Variants in PKN2 observed in about 807,000 individuals in gnomAD.
PKN2 encodes serine/threonine-protein kinase N2.
In PKN2, 38 loss-of-function variants were observed where a neutral mutation model predicts 119.1. The ratio of observed to expected loss-of-function variants is 0.32; its 90% confidence interval spans 0.25 to 0.42. The LOEUF is 0.42. PKN2 is among the 10% of genes least tolerant of loss of function. The probability of loss-of-function intolerance (pLI) is 1.00; values close to 1 mark genes in which losing one functional copy is unlikely to be tolerated. For missense variants in PKN2, 850 were observed against 1,165.1 expected (o/e 0.73, Z 3.94); for synonymous variants, 390 against 384.9 (o/e 1.01, Z -0.15).
chr1:88,823,430 A>G (rs1672372090), intron 17 of PKN2, among the ~76,000 whole-genome samples: 1 of 152,032 alleles, frequency 6.6e-6, no homozygotes, highest in South Asian at 2.1e-4. Context: ...GGCCAGGTGC[A>G]GTGGCTCATA....
At chr1:88,706,281 C>A (rs1667000495) in intron 1 of PKN2, among the ~76,000 whole-genome samples, 1 of 151,982 alleles carries the variant, frequency 6.6e-6, no homozygotes, top group Admixed American at 6.6e-5. Context: ...ATTTCTTTTT[C>A]TGATCATTCC....
chr1:88,784,841 T>C lies in PKN2; in HGVS notation c.1171+17T>C. ...ACTTGTCCAGTTCAGTAACCAGATT[T>C]TTAAAAATCATGTAACAAACTAAAG... On this transcript the variant is annotated intron_variant, in intron 7 of 21. Coordinates refer to ENST00000370521, the MANE Select transcript of PKN2 (RefSeq NM_006256.4). 2 of 1,539,666 alleles carry C rather than the reference T, an allele frequency of 1.3e-6. No individual in the cohort carries two copies. The highest frequency in any genetic ancestry group is 1.8e-6 in the Non-Finnish European group (2 of 1,132,498).
At chr1:88,690,937 G>A (rs1454474987) in intron 1 of PKN2, among the ~76,000 whole-genome samples, 1 of 152,168 alleles carries the variant, frequency 6.6e-6, no homozygotes, top group African/African-American at 2.4e-5. Flanking sequence ...ATTGGTGAAA[G>A]TTTTACTGCC....
At chr1:88,831,340 A>C (rs1355848875) in intron 19 of PKN2, among the ~76,000 whole-genome samples, 1 of 151,600 alleles carries the variant, frequency 6.6e-6, no homozygotes, top group East Asian at 1.9e-4. Context: ...TTGTTCAAGC[A>C]GAAGACCAAA....
chr1:88,688,550 T>C (rs942127180), intron 1 of PKN2, among the ~76,000 whole-genome samples: 1 of 152,246 alleles, frequency 6.6e-6, no homozygotes, highest in Non-Finnish European at 1.5e-5. Context: ...AAATGATTTC[T>C]ACATTCCACT....
At chr1:88,742,497 T>A (rs2100747542) in intron 2 of PKN2, among the ~76,000 whole-genome samples, 1 of 152,252 alleles carries the variant, frequency 6.6e-6, no homozygotes, top group Middle Eastern at 3.4e-3. Context: ...AAATCCACCT[T>A]CTAATTTTAG....
intron 1 of PKN2, among the ~76,000 whole-genome samples, chr1:88,738,004 C>T (rs1668423750): frequency 6.6e-6 from 1 of 152,164 alleles, no homozygotes. Flanking sequence ...ATTTATGTTT[C>T]TGTGGGGAGT....
In PKN2 at chr1:88,736,578, T is replaced by G. The variant is rs766376633; in HGVS notation, c.49-4410T>G. ...CAGGGTTTTACCATGTTAGACAGAC[T>G]GGTCTCAAACTCCTGACCTTAGGTA... is the stretch of plus-strand genomic sequence containing the variant. On this transcript the variant is annotated intron_variant, in intron 1 of 21. Coordinates refer to ENST00000370521, the MANE Select transcript of PKN2 (RefSeq NM_006256.4). 6.3e-4 allele frequency among the ~76,000 whole-genome samples: 96 copies of G among 152,200 alleles called. 3 individuals are homozygous for G. Among genetic ancestry groups the G allele is most frequent in the Non-Finnish European group, 3.4e-4 (23 of 68,042 alleles).
At chr1:88,729,126 T>A (rs1668024271) in intron 1 of PKN2, among the ~76,000 whole-genome samples, 1 of 152,168 alleles carries the variant, frequency 6.6e-6, no homozygotes, top group Admixed American at 6.5e-5. Flanking sequence ...ACTCCTGACC[T>A]CAGGTGATCT....
intron 3 of PKN2, among the ~76,000 whole-genome samples, chr1:88,764,770 A>G (rs1301018008): frequency 6.6e-6 from 1 of 152,222 alleles, no homozygotes; most frequent in Non-Finnish European, 1.5e-5. Context: ...TTACATAAGT[A>G]GTATAGCTTG....
intron 1 of PKN2, among the ~76,000 whole-genome samples, chr1:88,701,152 A>G (rs9804158): frequency 2.0e-5 from 3 of 152,156 alleles, no homozygotes; most frequent in Non-Finnish European, 4.4e-5. Flanking sequence ...CGTTAAAACA[A>G]CTCAGTTGAG....
chr1:88,825,149 A>C (rs1283001493), intron 18 of PKN2, among the ~76,000 whole-genome samples: 1 of 152,226 alleles, frequency 6.6e-6, no homozygotes, highest in Non-Finnish European at 1.5e-5. Flanking sequence ...TGGATGAATA[A>C]ATGAATGAAC....
intron 19 of PKN2, among the ~76,000 whole-genome samples, chr1:88,832,255 C>T (rs1672757597): frequency 6.6e-6 from 1 of 151,952 alleles, no homozygotes; most frequent in Non-Finnish European, 1.5e-5. Flanking sequence ...GATTGCCTTC[C>T]TTTATTATAA....
chr1:88,784,289 A>G (rs1483955786), intron 6 of PKN2, among the ~76,000 whole-genome samples: 1 of 151,738 alleles, frequency 6.6e-6, no homozygotes, highest in Non-Finnish European at 1.5e-5. Context: ...TCGCCCAGCT[A>G]ATTTTTTGTA....
At chr1:88,726,535 T>A (rs1421841747) in intron 1 of PKN2, among the ~76,000 whole-genome samples, 1 of 152,204 alleles carries the variant, frequency 6.6e-6, no homozygotes, top group Non-Finnish European at 1.5e-5. Flanking sequence ...TACTGTGTTG[T>A]ATTGTATAAT....
At chr1:88,797,473 C>G (rs781109134) in intron 8 of PKN2, among the ~76,000 whole-genome samples, 2 of 151,448 alleles carry the variant, frequency 1.3e-5, no homozygotes, top group African/African-American at 2.4e-5. Flanking sequence ...GAAACCCTGT[C>G]TCTACTAAAT....
intron 6 of PKN2, among the ~76,000 whole-genome samples, chr1:88,776,611 A>C (rs1185164560): frequency 6.6e-6 from 1 of 151,880 alleles, no homozygotes; most frequent in Admixed American, 6.6e-5. Flanking sequence ...ATGATGGCGC[A>C]TGCCTGTAAT....
intron 2 of PKN2, among the ~76,000 whole-genome samples, chr1:88,754,404 G>T (rs1255759806): frequency 2.6e-5 from 4 of 152,152 alleles, no homozygotes; most frequent in Admixed American, 6.6e-5. Flanking sequence ...AAAAACAGAT[G>T]TGAAAACAGA....
chr1:88,795,603 C>G (rs1671032288), intron 8 of PKN2, among the ~76,000 whole-genome samples: 1 of 152,130 alleles, frequency 6.6e-6, no homozygotes, highest in African/African-American at 2.4e-5. Context: ...GATATACATA[C>G]AATTATTTCT....
Sources: gnomAD v4.1 joint callset for allele counts (sites outside exome capture counted in the v4.1 genomes callset) on GRCh38, gnomAD v4.1.1 for gene constraint, MANE v1.5 for transcripts, NCBI Gene and HGNC (gene_info 2026-07-23, HGNC 2026-07-21) for gene names.